DHX57: variants seen among roughly 807,000 people sequenced by gnomAD.
DHX57 encodes putative ATP-dependent RNA helicase DHX57.
DHX57 carries 105 observed loss-of-function variants against 156.2 expected under a neutral mutation model. The ratio of observed to expected loss-of-function variants is 0.67; its 90% confidence interval spans 0.57 to 0.79. The LOEUF (loss-of-function observed/expected upper bound fraction) is 0.79, where lower values mean the gene tolerates loss of function less well. Among genes scored for constraint, DHX57 ranks in the 30% least tolerant of loss-of-function variants. The pLI, the probability that DHX57 is intolerant of heterozygous loss-of-function variation, is 0.00. For synonymous variants in DHX57, 704 were observed against 595.6 expected (o/e 1.18, Z -2.65); for missense variants, 1,847 against 1,661.9 (o/e 1.11, Z -1.94).
rs931276247 is a variant in DHX57 at position 38,875,887 on chromosome 2, G to A, written c.-107C>T. Reference sequence around the variant, plus strand: ...GCCACCCTCACGATTCTCACTTGGAGCAGCCCTGCGGTGGCCCAGCTGCAG... The same window carrying A: ...GCCACCCTCACGATTCTCACTTGGAACAGCCCTGCGGTGGCCCAGCTGCAG... On this transcript the variant is annotated 5_prime_UTR_variant, in exon 1 of 24. Transcript: ENST00000457308. 2.3e-5 allele frequency: 9 copies of A among 396,018 alleles called. No individual in the cohort carries two copies. Among genetic ancestry groups the A allele is most frequent in the Admixed American group, 4.4e-5 (1 of 22,650 alleles). The allele number at this position is 396,018 out of a possible 1,614,324, so 24.5% of individuals were successfully genotyped here. A position where few individuals can be genotyped will look rare whatever the true frequency, so the allele number is the denominator to read the frequency against.
In DHX57 at chr2:38,855,816, G is replaced by C. The variant is rs572251874; in HGVS notation, c.1709+524C>G. 1.6e-3 allele frequency among the ~76,000 whole-genome samples: 236 copies of C among 152,210 alleles called. 1 individual carries two copies. Among genetic ancestry groups the C allele is most frequent in the African/African-American group, 5.3e-3 (220 of 41,538 alleles). ...AGTTGTTTTTAAAAGAAAAATAAAG[G>C]CTGGGTGTGGTGACTCACACCTGTA... On this transcript the variant is annotated intron_variant, in intron 7 of 23. Transcript: ENST00000457308.
Position 38,854,109 on chromosome 2 carries a change from G to C in DHX57, c.1975C>G (p.Leu659Val), listed in dbSNP as rs1342740308. 6.2e-7 allele frequency: 1 copy of C among 1,613,958 alleles called. No homozygotes were observed. The highest frequency in any genetic ancestry group is 8.5e-7 in the Non-Finnish European group (1 of 1,179,916). Reference sequence around the variant, plus strand: ...ACAATGATATGGGAAACTCCTTGTAGAGCTGTATCTCCTTCTAGCCTTCTC... The same window carrying C: ...ACAATGATATGGGAAACTCCTTGTACAGCTGTATCTCCTTCTAGCCTTCTC... ...LLRRLEGDTA[L>V]QGVSHIIVDE... Residue 659 changes from leucine to valine, a missense_variant, in exon 9 of 24, where the codon CTA becomes GTA. By Grantham distance (32) the Leu-to-Val change is conservative. Coordinates refer to ENST00000457308, the MANE Select transcript of DHX57 (RefSeq NM_198963.3).
At chr2:38,833,291 C>T (rs1040575100) in intron 13 of DHX57, among the ~76,000 whole-genome samples, 5 of 151,846 alleles carry the variant, frequency 3.3e-5, no homozygotes, top group East Asian at 1.9e-4. Flanking sequence ...TACAGGTACC[C>T]GCCACCATGC....
intron 2 of DHX57, among the ~76,000 whole-genome samples, chr2:38,864,453 TG>T (rs1158187412): frequency 6.6e-6 from 1 of 152,170 alleles, no homozygotes; most frequent in Non-Finnish European, 1.5e-5. Context: ...CATTAGGAAA[TG>T]ATCAGTTAAA....
intron 21 of DHX57, among the ~76,000 whole-genome samples, chr2:38,811,888 A>T (rs1670267608): frequency 6.6e-6 from 1 of 152,098 alleles, no homozygotes; most frequent in African/African-American, 2.4e-5. Flanking sequence ...TTGTTTCTAC[A>T]TTTTAAGTCT....
At chr2:38,867,035 T>C (rs1665111382) in intron 2 of DHX57, 1 of 152,274 alleles carries the variant, frequency 6.6e-6, no homozygotes, top group African/African-American at 2.4e-5. Flanking sequence ...ATAGGTATCA[T>C]TTTTAATCTC....
In DHX57 at chr2:38,856,437, G is replaced by C. The variant is rs373391329; in HGVS notation, c.1612C>G (p.Leu538Val). 1.9e-6 allele frequency: 3 copies of C among 1,612,694 alleles called. No individual in the cohort carries two copies. The highest frequency in any genetic ancestry group is 2.5e-6 in the Non-Finnish European group (3 of 1,179,452). ...KQASRQFQSILQERQSLPAWE... is the reference protein window; with the variant it reads ...KQASRQFQSIVQERQSLPAWE... ...GCAGGGAGTGATTGCCTCTCTTGCA[G>C]AATGGACTGGAACTGTCTGGAAGCC... is the stretch of plus-strand genomic sequence containing the variant. The change falls in exon 7 of 24, where the codon CTG becomes GTG. Residue 538 changes from leucine (L) to valine (V), a missense_variant. Leu to Val is a conservative substitution (Grantham distance 32). Transcript: ENST00000457308.
At chr2:38,820,068 T>G (rs1053992057) in intron 17 of DHX57, among the ~76,000 whole-genome samples, 6 of 152,230 alleles carry the variant, frequency 3.9e-5, no homozygotes, top group African/African-American at 1.4e-4. Flanking sequence ...ACCAATGCCC[T>G]AGTTGCAACA....
chr2:38,852,919 C>G (rs1672679427), intron 9 of DHX57: 2 of 153,394 alleles, frequency 1.3e-5, no homozygotes. Flanking sequence ...TTCCCCTTTG[C>G]TGCTACACAG....
At chr2:38,811,037 A>G in intron 21 of DHX57, 1 of 673,930 alleles carries the variant, frequency 1.5e-6, no homozygotes, top group Non-Finnish European at 2.7e-6. Flanking sequence ...GGCTTTGGCC[A>G]GGTCCTGAAT....
Position 38,837,895 on chromosome 2 carries a change from C to G in DHX57, c.2478G>C (p.Val826=). The G allele has an allele frequency of 6.2e-7, 1 of 1,613,934 alleles. No homozygotes were observed. Among genetic ancestry groups the G allele is most frequent in the Non-Finnish European group, 8.5e-7 (1 of 1,179,862 alleles). Residue 826 remains valine (V), a synonymous_variant, in exon 13 of 24, where the codon GTG becomes GTC. Transcript: ENST00000457308. The stretch of plus-strand genomic sequence containing the variant: ...ATAAGGCCTCTATTAATTCAAGATT[C>G]ACCTTTTCAAAATCCATGATGGACA... ...KTMSIMDFEK[V]NLELIEALLE...
chr2:38,870,218 G>C (rs1665288076), intron 1 of DHX57, among the ~76,000 whole-genome samples: 1 of 151,906 alleles, frequency 6.6e-6, no homozygotes. Flanking sequence ...GAAAAATGTG[G>C]GACACCATCA....
In DHX57 at chr2:38,869,235, G is replaced by A. The variant is rs114393741; in HGVS notation, c.-6-824C>T. ...AGATTCTGCCAAGGGCAAAAGGGAA[G>A]TAGGCCGTAAGACAGATAGCTCCTA... On this transcript the variant is annotated intron_variant, in intron 1 of 23. Transcript: ENST00000457308. 8.5e-3 allele frequency among the ~76,000 whole-genome samples: 1,300 copies of A among 152,366 alleles called. 9 individuals carry two copies. Among genetic ancestry groups the A allele is most frequent in the Admixed American group, 0.013 (200 of 15,310 alleles).
At chr2:38,814,728 G>GT (rs35597361) in intron 20 of DHX57, among the ~76,000 whole-genome samples, 84,811 of 149,362 alleles carry the variant, frequency 0.57, 24,971 homozygotes, top group East Asian at 0.81. Context: ...AGAAAACCCT[G>GT]TTTTTTTTTT....
chr2:38,839,220 G>A (rs1029559638), intron 12 of DHX57, among the ~76,000 whole-genome samples: 13 of 149,286 alleles, frequency 8.7e-5, no homozygotes, highest in East Asian at 6.3e-4. Context: ...GTGAGCCACC[G>A]CGCCCGGCCA....
At chr2:38,828,536 A>G (rs1671224150) in intron 13 of DHX57, 100 bp from the exon 14 acceptor site, 2 of 760,356 alleles carry the variant, frequency 2.6e-6, no homozygotes, top group African/African-American at 1.8e-5. Flanking sequence ...AAGTAAATGA[A>G]AAACTAATAT....
At chr2:38,862,046 C>A in intron 4 of DHX57, 99 bp downstream of exon 4, 1 of 1,379,372 alleles carries the variant, frequency 7.2e-7, no homozygotes, top group Non-Finnish European at 9.7e-7. Context: ...TTGCTGGAAC[C>A]CACATAATAG....
chr2:38,828,189 T>C (rs1445809121), intron 14 of DHX57, 151 bp downstream of exon 14: 1 of 509,658 alleles, frequency 2.0e-6, no homozygotes, highest in African/African-American at 2.0e-5. Context: ...GAATAACTGA[T>C]TTCCTGCAGC....
At chr2:38,848,039 C>A (rs747165257) in intron 10 of DHX57, among the ~76,000 whole-genome samples, 1 of 151,500 alleles carries the variant, frequency 6.6e-6, no homozygotes, top group Non-Finnish European at 1.5e-5. Flanking sequence ...GCCGAGATCA[C>A]GCCACTGCAC....
Sources: allele counts gnomAD v4.1 joint callset (sites outside exome capture counted in the v4.1 genomes callset), GRCh38; gene constraint gnomAD v4.1.1; transcripts MANE v1.5; gene names NCBI Gene and HGNC (gene_info 2026-07-23, HGNC 2026-07-21).